RASIP1: variants seen among roughly 807,000 people sequenced by gnomAD.
RASIP1 encodes Ras interacting protein 1, also known as ras-interacting protein 1.
In RASIP1, 20 loss-of-function variants were observed where a neutral mutation model predicts 85.3. That is an observed-to-expected ratio of 0.23 (90% CI 0.17 to 0.34). RASIP1 has a LOEUF of 0.34. Ranked by LOEUF, RASIP1 falls within the 10% of genes least tolerant of loss-of-function variation. The probability of loss-of-function intolerance (pLI) is 1.00; values close to 1 mark genes in which losing one functional copy is unlikely to be tolerated. For missense variants in RASIP1, 1,170 were observed against 1,390.9 expected, an observed-to-expected ratio of 0.84 and a Z score of 2.53; for synonymous variants, 617 against 647.1, an observed-to-expected ratio of 0.95 and a Z score of 0.71.
chr19:48,737,300 A>G (rs1357732419), intron 3 of RASIP1, among the ~76,000 whole-genome samples: 1 of 152,208 alleles, frequency 6.6e-6, no homozygotes, highest in Non-Finnish European at 1.5e-5. Context: ...AAAGCCCATC[A>G]GTTGAATTGC....
intron 5 of RASIP1, among the ~76,000 whole-genome samples, chr19:48,728,168 C>A (rs1382218925): frequency 6.6e-6 from 1 of 152,134 alleles, no homozygotes; most frequent in East Asian, 1.9e-4. Context: ...AACGTTTCCC[C>A]CACTCTGAAT....
rs139276826 is a variant in RASIP1, at chr19:48,720,948, C to A, written c.2742G>T (p.Leu914=). The A allele has an allele frequency of 1.8e-3, 2,931 of 1,612,824 alleles. 32 individuals carry two copies. In the African/African-American group the frequency reaches 0.028, roughly 15 times the overall value. ...FSSHPPLILP[L]GSSRLRLTGP... is the part of the protein sequence containing the mutation. ...CAGTGAGGCGCAGGCGCGAGCTCCC[C>A]AGGGGGAGGATGAGGGGCGGGTGCG... Residue 914 remains leucine (L), a synonymous_variant, in exon 12 of 12, where the codon CTG becomes CTT. Coordinates refer to ENST00000222145, the MANE Select transcript of RASIP1 (RefSeq NM_017805.3).
intron 4 of RASIP1, among the ~76,000 whole-genome samples, chr19:48,731,133 G>GCA (rs2033449913): frequency 1.3e-5 from 2 of 152,294 alleles, no homozygotes. Flanking sequence ...AATTAGCCAG[G>GCA]TGAGGTGGCT....
At position 48,720,831 on chromosome 19, in the gene RASIP1, A is replaced by G. The variant is rs754703168; in HGVS notation, c.2859T>C (p.Tyr953=). 8 of 1,614,078 alleles carry G rather than the reference A, an allele frequency of 5.0e-6. No homozygotes were observed. Among genetic ancestry groups the G allele is most frequent in the Middle Eastern group, 1.6e-4 (1 of 6,062 alleles). The change falls in exon 12 of 12, where the codon TAT becomes TAC. Residue 953 remains tyrosine, a synonymous_variant. Coordinates refer to ENST00000222145, the MANE Select transcript of RASIP1 (RefSeq NM_017805.3). ...DLEQQELPAN[Y]RHGPPVATSP Reference sequence around the variant, plus strand: ...ACGTGGCCACGGGAGGCCCATGGCGATAATTGGCTGGCAGCTCCTGCTGCT... The same window carrying G: ...ACGTGGCCACGGGAGGCCCATGGCGGTAATTGGCTGGCAGCTCCTGCTGCT...
chr19:48,736,016 G>T (rs753615114), intron 3 of RASIP1, among the ~76,000 whole-genome samples: 4 of 151,332 alleles, frequency 2.6e-5, no homozygotes, highest in East Asian at 2.0e-4. Flanking sequence ...GGCTGGTCTC[G>T]GACTGGTCGG....
In RASIP1 at chr19:48,738,277, T is replaced by C. The variant is rs2033607690; in HGVS notation, c.823+683A>G. 6.6e-6 allele frequency among the ~76,000 whole-genome samples: 1 copy of C among 152,162 alleles called. No homozygotes were observed. The highest frequency in any genetic ancestry group is 1.5e-5 in the Non-Finnish European group (1 of 68,038). On this transcript the variant is annotated intron_variant, in intron 3 of 11. Coordinates refer to ENST00000222145, the MANE Select transcript of RASIP1 (RefSeq NM_017805.3). This position sits in a 1 kb window ranked among gnomAD's most constrained non-coding sequence, Gnocchi z 4.0. ...GTTCTTTAATTCAAAAAGACCCTTG[T>C]CAATATTCAGTATCAAAACAGTTGC...
Position 48,724,316 on chromosome 19 carries a change from G to T in RASIP1, c.2544+21C>A. On this transcript the variant is annotated intron_variant, in intron 10 of 11. Transcript: ENST00000222145. This position sits in a 1 kb window ranked among gnomAD's most constrained non-coding sequence, Gnocchi z 4.6. ...TGAGGAGTCAGAGGTCAGGGGTCAGGTATAGCTGACCAGGAGTCACCTTGA... is the reference window on the plus strand; with the variant it reads ...TGAGGAGTCAGAGGTCAGGGGTCAGTTATAGCTGACCAGGAGTCACCTTGA... 1 of 1,609,902 alleles carries T rather than the reference G, an allele frequency of 6.2e-7. No individual in the cohort carries two copies. The highest frequency in any genetic ancestry group is 8.5e-7 in the Non-Finnish European group (1 of 1,177,140).
chr19:48,737,522 C>T (rs753785330), intron 3 of RASIP1: 21 of 985,304 alleles, frequency 2.1e-5, no homozygotes, highest in Admixed American at 6.1e-5. Context: ...CCCATGTGAT[C>T]CCACTTGGCA....
At chr19:48,727,478 G>C in intron 5 of RASIP1, 48 bp from the exon 6 acceptor site, 1 of 1,581,438 alleles carries the variant, frequency 6.3e-7, no homozygotes. Flanking sequence ...TCCACTGAGG[G>C]GCTTAAGAGT....
rs769654502 is a variant in RASIP1 at position 48,727,425 on chromosome 19, C to G, written c.1839G>C (p.Lys613Asn). The G allele has an allele frequency of 6.2e-7, 1 of 1,613,782 alleles. No individual in the cohort carries two copies. Among genetic ancestry groups the G allele is most frequent in the Non-Finnish European group, 8.5e-7 (1 of 1,179,770 alleles). Reference sequence around the variant, plus strand: ...GCTGACGGTCTCCAATTTCCTTAATCTTTTCCTGTGGAACAGTAAGATCAG... The same window carrying G: ...GCTGACGGTCTCCAATTTCCTTAATGTTTTCCTGTGGAACAGTAAGATCAG... ...ARLIKEAVWE[K>N]IKEIGDRQPE... The change falls in exon 6 of 12, where the codon AAG becomes AAC. Residue 613 changes from lysine to asparagine, a missense_variant. By Grantham distance (94) the Lys-to-Asn change is moderately conservative (BLOSUM62 0). Around this residue, in one of 4 missense-constraint regions of RASIP1, gnomAD observed 426 missense variants for 576.2 expected, o/e 0.74. Coordinates refer to ENST00000222145, the MANE Select transcript of RASIP1 (RefSeq NM_017805.3).
chr19:48,728,580 A>G (rs2033383421), intron 5 of RASIP1, among the ~76,000 whole-genome samples: 2 of 152,136 alleles, frequency 1.3e-5, no homozygotes, highest in Non-Finnish European at 2.9e-5. Context: ...CCTGGCCAAT[A>G]TGGTGAAACC....
At chr19:48,730,752 A>G (rs2033440979) in intron 4 of RASIP1, among the ~76,000 whole-genome samples, 1 of 152,032 alleles carries the variant, frequency 6.6e-6, no homozygotes, top group Non-Finnish European at 1.5e-5. Flanking sequence ...TGGACTGGGC[A>G]TAGTGGCTGA....
chr19:48,739,464 C>T lies in RASIP1; in HGVS notation c.319G>A (p.Gly107Arg). The T allele has an allele frequency of 6.8e-7, 1 of 1,477,588 alleles. No homozygotes were observed. The highest frequency in any genetic ancestry group is 8.9e-7 in the Non-Finnish European group (1 of 1,120,306). 91.5% of individuals were successfully genotyped at this position (1,477,588 alleles called of 1,614,324 possible). A position where few individuals can be genotyped will look rare whatever the true frequency, so the allele number is the denominator to read the frequency against. ...GCGCCCCCCGGGGTCCCAGGGCCTC[C>T]TGCGCCGCTGGACCCCGTGGTCCCG... ...GTGTTGSSGA[G>R]GPGTPGGAQR... Residue 107 changes from glycine to arginine, a missense_variant, in exon 3 of 12, where the codon GGA becomes AGA. Around this residue, in one of 4 missense-constraint regions of RASIP1, gnomAD observed 299 missense variants for 394.4 expected, o/e 0.76. Transcript: ENST00000222145. This position sits in a 1 kb window ranked among gnomAD's most constrained non-coding sequence, Gnocchi z 9.2.
intron 4 of RASIP1, among the ~76,000 whole-genome samples, chr19:48,733,805 CA>C (rs34801352): frequency 2.3e-4 from 29 of 128,156 alleles, no homozygotes; most frequent in Admixed American, 4.0e-4. Flanking sequence ...GAATCCATCT[CA>C]AAAAAAAAAA....
In RASIP1 at chr19:48,738,390, C is replaced by G. The variant is rs1034959469; in HGVS notation, c.823+570G>C. The G allele has an allele frequency of 6.6e-6, 1 of 152,210 alleles. No homozygotes were observed. The highest frequency in any genetic ancestry group is 1.5e-5 in the Non-Finnish European group (1 of 68,052). The allele number at this position is 152,210 out of a possible 1,614,324, so 9.4% of individuals were successfully genotyped here. On this transcript the variant is annotated intron_variant, in intron 3 of 11. Transcript: ENST00000222145. This position sits in a 1 kb window ranked among gnomAD's most constrained non-coding sequence, Gnocchi z 4.0. ...AAGCCATTAAGCTGCAGGATGTACA[C>G]CTAACAGACCTCGCAGAAACCTTAC...
At chr19:48,733,920 C>A (rs1176726194) in intron 4 of RASIP1, among the ~76,000 whole-genome samples, 1 of 152,056 alleles carries the variant, frequency 6.6e-6, no homozygotes, top group African/African-American at 2.4e-5. Context: ...AAGGTGGACT[C>A]CCCTGTTACT....
At position 48,724,846 on chromosome 19, in the gene RASIP1, G is replaced by C; in HGVS notation, c.2242C>G (p.Leu748Val). 8 of 1,614,246 alleles carry C rather than the reference G, an allele frequency of 5.0e-6. No individual in the cohort carries two copies. Among genetic ancestry groups the C allele is most frequent in the Non-Finnish European group, 6.8e-6 (8 of 1,180,048 alleles). Residue 748 changes from leucine to valine, a missense_variant, in exon 9 of 12, where the codon CTG becomes GTG. Transcript: ENST00000222145. This position sits in a 1 kb window ranked among gnomAD's most constrained non-coding sequence, Gnocchi z 4.6. Reference protein sequence around the residue: ...GAMPPGLRPTLGVFQAALELT... With the variant: ...GAMPPGLRPTVGVFQAALELT... ...TCCAAGGCTGCCTGGAACACGCCCA[G>C]GGTAGGTCTCAATCCTGGAGGCATG... is the stretch of plus-strand genomic sequence containing the variant.
chr19:48,728,525 G>C (rs1175796763), intron 5 of RASIP1, among the ~76,000 whole-genome samples: 1 of 152,140 alleles, frequency 6.6e-6, no homozygotes, highest in African/African-American at 2.4e-5. Context: ...CAGCACTTTG[G>C]GAGGCCGAGG....
rs754703168 is a variant in RASIP1, at chr19:48,720,831, A to T, written c.2859T>A (p.Tyr953Ter). The part of the protein sequence containing the change: ...DLEQQELPAN[Y>*]RHGPPVATSP Reference sequence around the variant, plus strand: ...ACGTGGCCACGGGAGGCCCATGGCGATAATTGGCTGGCAGCTCCTGCTGCT... The same window carrying T: ...ACGTGGCCACGGGAGGCCCATGGCGTTAATTGGCTGGCAGCTCCTGCTGCT... Residue 953 changes from tyrosine to a stop codon, truncating the protein, a stop_gained, in exon 12 of 12, where the codon TAT becomes TAA. Transcript: ENST00000222145. LOFTEE classifies it high-confidence loss of function. 5 of 1,614,078 alleles carry T rather than the reference A, an allele frequency of 3.1e-6. No homozygotes were observed. The highest frequency in any genetic ancestry group is 4.2e-6 in the Non-Finnish European group (5 of 1,180,022).
Sources: allele counts gnomAD v4.1 joint callset (sites outside exome capture counted in the v4.1 genomes callset), GRCh38; gene constraint gnomAD v4.1.1; regional missense constraint gnomAD v4.1.1; non-coding constraint Gnocchi (gnomAD v3.1); transcripts MANE v1.5; gene names NCBI Gene and HGNC (gene_info 2026-07-23, HGNC 2026-07-21).